ZNF573: variants seen among roughly 807,000 people sequenced by gnomAD.
The protein encoded by ZNF573 is zinc finger protein 573.
In ZNF573, 41 loss-of-function variants were observed where a neutral mutation model predicts 57.4. The observed-to-expected ratio is 0.71, with a 90% confidence interval of 0.56 to 0.93. The LOEUF (loss-of-function observed/expected upper bound fraction) is 0.93, where lower values mean the gene tolerates loss of function less well. Ranked by LOEUF, ZNF573 falls within the 40% of genes least tolerant of loss-of-function variation. The pLI is 0.00. For synonymous variants in ZNF573, 249 were observed against 261.0 expected, an observed-to-expected ratio of 0.95 and a Z score of 0.44; for missense variants, 730 against 794.8, an observed-to-expected ratio of 0.92 and a Z score of 0.98.
intron 4 of ZNF573, among the ~76,000 whole-genome samples, chr19:37,758,270 T>A (rs2045515730): frequency 8.5e-5 from 8 of 94,278 alleles, no homozygotes; most frequent in South Asian, 4.5e-4. Context: ...TATATAAAAT[T>A]ACCCAGTTGC....
At chr19:37,749,523 T>C (rs2045413825) in intron 4 of ZNF573, among the ~76,000 whole-genome samples, 1 of 151,996 alleles carries the variant, frequency 6.6e-6, no homozygotes, top group Non-Finnish European at 1.5e-5. Context: ...CAGATGTAAA[T>C]ACATATGAGA....
chr19:37,739,718 C>A lies in ZNF573; in HGVS notation c.772G>T (p.Gly258Cys). The change falls in exon 5 of 5, where the codon GGT becomes TGT. Residue 258 changes from glycine (G) to cysteine (C), a missense_variant. Gly to Cys is a radical substitution (Grantham distance 159). Transcript: ENST00000536220. ...CQECGRAFSQ[G>C]GHLRIHQRVH... ...CTCTGATGAATTCTAAGATGTCCAC[C>A]TTGACTAAAGGCCCTCCCACACTCC... 1 of 1,613,646 alleles carries A rather than the reference C, an allele frequency of 6.2e-7. No individual in the cohort carries two copies.
Position 37,738,452 on chromosome 19 carries a change from C to T in ZNF573, c.*40G>A, listed in dbSNP as rs1373262084. 4 of 1,491,260 alleles carry T rather than the reference C, an allele frequency of 2.7e-6. No homozygotes were observed. Among genetic ancestry groups the T allele is most frequent in the Non-Finnish European group, 3.6e-6 (4 of 1,120,860 alleles). 92.4% of individuals were successfully genotyped at this position (1,491,260 alleles called of 1,614,324 possible). A position where few individuals can be genotyped will look rare whatever the true frequency, so the allele number is the denominator to read the frequency against. ...TTCCATCATTTCTCACCAGTGTGGG[C>T]TGTCTGATGATGAATGGCGCGCTCG... On this transcript the variant is annotated 3_prime_UTR_variant, in exon 5 of 5. Coordinates refer to ENST00000536220, the MANE Select transcript of ZNF573 (RefSeq NM_001172690.2).
intron 4 of ZNF573, among the ~76,000 whole-genome samples, chr19:37,752,269 A>G (rs1339266500): frequency 1.3e-5 from 2 of 152,220 alleles, no homozygotes; most frequent in Admixed American, 1.3e-4. Context: ...ATGTGGATCA[A>G]AGACCTAAAT....
intron 4 of ZNF573, among the ~76,000 whole-genome samples, chr19:37,758,847 A>G (rs1245937446): frequency 6.6e-6 from 1 of 152,170 alleles, no homozygotes; most frequent in Non-Finnish European, 1.5e-5. Flanking sequence ...AGAAAAATAA[A>G]TATTTTGAAA....
intron 4 of ZNF573, among the ~76,000 whole-genome samples, chr19:37,756,756 A>G (rs945606856): frequency 6.6e-6 from 1 of 151,920 alleles, no homozygotes; most frequent in Non-Finnish European, 1.5e-5. Flanking sequence ...CAAAAGTGTG[A>G]TCTCCAGAAT....
intron 4 of ZNF573, among the ~76,000 whole-genome samples, chr19:37,759,604 T>C (rs376391945): frequency 6.6e-6 from 1 of 152,040 alleles, no homozygotes; most frequent in African/African-American, 2.4e-5. Context: ...GGTGGGCACC[T>C]GTAGTCCCAG....
rs1164859497 is a variant in ZNF573 at position 37,739,664 on chromosome 19, A to G, written c.826T>C (p.Cys276Arg). ...RVHTGEKPYK[C>R]KECGKTFSRR... ...CTAAAAGTCTTCCCACATTCCTTAC[A>G]TTTATATGGTTTTTCGCCAGTATGA... The change falls in exon 5 of 5, where the codon TGT becomes CGT. Residue 276 changes from cysteine (C) to arginine (R), a missense_variant. Transcript: ENST00000536220. 1 of 1,614,004 alleles carries G rather than the reference A, an allele frequency of 6.2e-7. No individual in the cohort carries two copies. The highest frequency in any genetic ancestry group is 8.5e-7 in the Non-Finnish European group (1 of 1,179,996).
chr19:37,760,820 T>C lies in ZNF573; in HGVS notation c.295+9185A>G, dbSNP rs1599698616. ...CTGGGCAACAGAGTAAGAGTCTGTC[T>C]GAAGAAAAAAAAAAAAATGTTTCCA... On this transcript the variant is annotated intron_variant, in intron 4 of 4. Coordinates refer to ENST00000536220, the MANE Select transcript of ZNF573 (RefSeq NM_001172690.2). 2.0e-5 allele frequency among the ~76,000 whole-genome samples: 3 copies of C among 149,572 alleles called. No individual in the cohort carries two copies. The East Asian group carries it at 5.9e-4, about 29-fold the overall frequency.
chr19:37,740,190 C>T lies in ZNF573; in HGVS notation c.300G>A (p.Leu100=). The T allele has an allele frequency of 6.4e-7, 1 of 1,551,714 alleles. No individual in the cohort carries two copies. The highest frequency in any genetic ancestry group is 1.2e-5 in the South Asian group (1 of 81,382). ...AGCTGATTATCTCACACTGTAAATCCAAATCTGAAACAAAAGAGGACAACA... is the reference window on the plus strand; with the variant it reads ...AGCTGATTATCTCACACTGTAAATCTAAATCTGAAACAAAAGAGGACAACA... ...ILREETQFTD[L]DLQCEIISYI... The change falls in exon 5 of 5, where the codon TTG becomes TTA. Residue 100 remains leucine (L), a synonymous_variant. Transcript: ENST00000536220.
At chr19:37,759,493 C>T (rs755349508) in intron 4 of ZNF573, among the ~76,000 whole-genome samples, 1 of 151,906 alleles carries the variant, frequency 6.6e-6, no homozygotes, top group Non-Finnish European at 1.5e-5. Context: ...TTTGGGAGGC[C>T]GAGGCAGGTG....
chr19:37,759,552 C>G (rs1055980723), intron 4 of ZNF573, among the ~76,000 whole-genome samples: 1 of 151,896 alleles, frequency 6.6e-6, no homozygotes, highest in South Asian at 2.1e-4. Context: ...ACAGTGAAAC[C>G]CTGTTTCTAC....
chr19:37,752,640 CT>C (rs952543359), intron 4 of ZNF573, among the ~76,000 whole-genome samples: 2 of 148,884 alleles, frequency 1.3e-5, no homozygotes, highest in Admixed American at 6.7e-5. Context: ...GCTTTCTTTT[CT>C]CTTTTTTTCA....
chr19:37,766,574 G>A (rs1438017108), intron 4 of ZNF573, among the ~76,000 whole-genome samples: 1 of 152,090 alleles, frequency 6.6e-6, no homozygotes, highest in African/African-American at 2.4e-5. Context: ...CTCCACTGTG[G>A]TGTCTTCATC....
At chr19:37,767,110 C>T (rs1341054858) in intron 4 of ZNF573, among the ~76,000 whole-genome samples, 4 of 152,220 alleles carry the variant, frequency 2.6e-5, no homozygotes, top group Non-Finnish European at 4.4e-5. Context: ...CCGAGGACAA[C>T]GTTGTGCAAC....
At chr19:37,761,597 G>A (rs969738044) in intron 4 of ZNF573, among the ~76,000 whole-genome samples, 1 of 152,202 alleles carries the variant, frequency 6.6e-6, no homozygotes, top group South Asian at 2.1e-4. Context: ...TTGACTGTTG[G>A]TCATAAGACC....
At chr19:37,776,347 G>A (rs2045709002) in intron 1 of ZNF573, among the ~76,000 whole-genome samples, 1 of 152,138 alleles carries the variant, frequency 6.6e-6, no homozygotes, top group Non-Finnish European at 1.5e-5. Context: ...ACAGCCAACT[G>A]ATCTTCGACA....
intron 4 of ZNF573, among the ~76,000 whole-genome samples, chr19:37,762,180 G>A (rs562353317): frequency 6.6e-6 from 1 of 152,290 alleles, no homozygotes; most frequent in African/African-American, 2.4e-5. Flanking sequence ...ATACATTGCA[G>A]ATTGTAGACA....
rs753843155 is a variant in ZNF573, at chr19:37,740,083, C to A, written c.407G>T (p.Cys136Phe). 3.1e-6 allele frequency: 5 copies of A among 1,614,048 alleles called. No homozygotes were observed. In the South Asian group the frequency reaches 5.5e-5, roughly 18 times the overall value. ...ACTAAATTTCTTCTGACATTTCTTA[C>A]ATTCATAGAGTTTCTCTCTCTTATA... is the stretch of plus-strand genomic sequence containing the variant. ...SIYKREKLYE[C>F]KKCQKKFSSG... Residue 136 changes from cysteine (C) to phenylalanine (F), a missense_variant, in exon 5 of 5, where the codon TGT becomes TTT. Physicochemically the swap from Cys to Phe is radical, Grantham distance 205 (BLOSUM62 -2). Transcript: ENST00000536220.
Sources: gnomAD v4.1 joint callset for allele counts (sites outside exome capture counted in the v4.1 genomes callset) on GRCh38, gnomAD v4.1.1 for gene constraint, MANE v1.5 for transcripts, NCBI Gene and HGNC (gene_info 2026-07-23, HGNC 2026-07-21) for gene names.